Variants in FAM210A observed in about 807,000 individuals in gnomAD.
FAM210A encodes the protein family with sequence similarity 210 member A.
A neutral mutation model predicts 25.3 loss-of-function variants in FAM210A; 13 were observed. The observed-to-expected ratio is 0.51, with a 90% CI of 0.33 to 0.82. FAM210A has a LOEUF of 0.82. FAM210A is among the 40% of genes least tolerant of loss of function. The probability of loss-of-function intolerance (pLI) is 0.02; values close to 1 mark genes in which losing one functional copy is unlikely to be tolerated. For missense variants in FAM210A, 319 were observed against 323.2 expected, an observed-to-expected ratio of 0.99 and a Z score of 0.10; for synonymous variants, 125 against 118.7, an observed-to-expected ratio of 1.05 and a Z score of -0.35.
chr18:13,704,933 T>C (rs1269958755), intron 1 of FAM210A, among the ~76,000 whole-genome samples: 1 of 152,168 alleles, frequency 6.6e-6, no homozygotes, highest in African/African-American at 2.4e-5. Context: ...TTCATAAGCA[T>C]GTAAAATCCT....
chr18:13,701,226 C>T (rs2043737090), intron 1 of FAM210A, among the ~76,000 whole-genome samples: 1 of 151,594 alleles, frequency 6.6e-6, no homozygotes, highest in African/African-American at 2.4e-5. Context: ...GGTAAGTTCT[C>T]TCAGATTTCG....
At chr18:13,690,311 G>T (rs562440663) in intron 1 of FAM210A, among the ~76,000 whole-genome samples, 1 of 152,364 alleles carries the variant, frequency 6.6e-6, no homozygotes, top group East Asian at 1.9e-4. Context: ...TGCCTCTGTA[G>T]ACACCACCTC....
At chr18:13,689,664 C>A (rs1212184177) in intron 1 of FAM210A, among the ~76,000 whole-genome samples, 1 of 151,694 alleles carries the variant, frequency 6.6e-6, no homozygotes, top group Non-Finnish European at 1.5e-5. Flanking sequence ...GCTAGTGCAA[C>A]AAGGCAAGAA....
At chr18:13,707,930 C>T (rs2043792171) in intron 1 of FAM210A, among the ~76,000 whole-genome samples, 1 of 152,036 alleles carries the variant, frequency 6.6e-6, no homozygotes, top group East Asian at 1.9e-4. Flanking sequence ...TCTTCCACCA[C>T]ATGGCTGCGC....
chr18:13,725,795 C>T (rs2043938896), intron 1 of FAM210A, among the ~76,000 whole-genome samples: 1 of 152,140 alleles, frequency 6.6e-6, no homozygotes. Flanking sequence ...CTCCCCCAAA[C>T]CACACCATGC....
At chr18:13,721,524 C>T (rs925907127) in intron 1 of FAM210A, among the ~76,000 whole-genome samples, 10 of 152,160 alleles carry the variant, frequency 6.6e-5, no homozygotes, top group Non-Finnish European at 2.9e-5. Context: ...TCCTGGAATG[C>T]GGTATTGCTT....
At chr18:13,719,594 C>T (rs2043884099) in intron 1 of FAM210A, among the ~76,000 whole-genome samples, 1 of 152,134 alleles carries the variant, frequency 6.6e-6, no homozygotes, top group Admixed American at 6.5e-5. Flanking sequence ...CCCAGCCACC[C>T]TTTCACCCAC....
At chr18:13,693,568 T>C (rs2043667824) in intron 1 of FAM210A, among the ~76,000 whole-genome samples, 1 of 152,212 alleles carries the variant, frequency 6.6e-6, no homozygotes, top group African/African-American at 2.4e-5. Flanking sequence ...GCTTCATACC[T>C]GGGATGCAAG....
chr18:13,699,764 T>C (rs1316226599), intron 1 of FAM210A, among the ~76,000 whole-genome samples: 3 of 152,232 alleles, frequency 2.0e-5, no homozygotes, highest in Admixed American at 6.5e-5. Context: ...ATGAGATAAA[T>C]GAGCTGGTTA....
At chr18:13,700,624 G>A (rs2043731868) in intron 1 of FAM210A, among the ~76,000 whole-genome samples, 1 of 152,150 alleles carries the variant, frequency 6.6e-6, no homozygotes, top group African/African-American at 2.4e-5. Context: ...CCCATCACTT[G>A]TCCAGAATCC....
chr18:13,695,476 A>T (rs2043684252), intron 1 of FAM210A, among the ~76,000 whole-genome samples: 2 of 152,230 alleles, frequency 1.3e-5, no homozygotes, highest in Admixed American at 1.3e-4. Flanking sequence ...AATGTCCATC[A>T]ACGATAGACT....
chr18:13,701,069 T>C (rs1004106168), intron 1 of FAM210A, among the ~76,000 whole-genome samples: 1 of 152,208 alleles, frequency 6.6e-6, no homozygotes, highest in African/African-American at 2.4e-5. Context: ...CCTTTAAATG[T>C]AATCCAGCCT....
At chr18:13,685,871 A>G (rs2043592873) in intron 1 of FAM210A, among the ~76,000 whole-genome samples, 1 of 152,188 alleles carries the variant, frequency 6.6e-6, no homozygotes, top group South Asian at 2.1e-4. Flanking sequence ...GAATGCACAT[A>G]TTAGAAAAGA....
chr18:13,702,696 C>T (rs2043749923), intron 1 of FAM210A, among the ~76,000 whole-genome samples: 1 of 152,210 alleles, frequency 6.6e-6, no homozygotes, highest in Non-Finnish European at 1.5e-5. Flanking sequence ...CTGCCCAGTG[C>T]TGTAGCTCAG....
intron 1 of FAM210A, among the ~76,000 whole-genome samples, chr18:13,701,722 A>G (rs2043741901): frequency 6.6e-6 from 1 of 152,244 alleles, no homozygotes; most frequent in African/African-American, 2.4e-5. Flanking sequence ...ATAAACCACA[A>G]TGCACTGAAG....
chr18:13,701,506 TTG>T, intron 1 of FAM210A, among the ~76,000 whole-genome samples: 1 of 152,322 alleles, frequency 6.6e-6, no homozygotes, highest in East Asian at 1.9e-4. Flanking sequence ...TTCATTTTTC[TTG>T]TGTGTTTAAG....
chr18:13,678,192 T>C (rs1429378519), intron 2 of FAM210A, among the ~76,000 whole-genome samples: 1 of 152,098 alleles, frequency 6.6e-6, no homozygotes, highest in East Asian at 1.9e-4. Context: ...TAAAAGATCA[T>C]ACAAACAATG....
At position 13,666,635 on chromosome 18, in the gene FAM210A, T is replaced by G. The variant is rs767364628; in HGVS notation, c.664A>C (p.Met222Leu). ...TCCTTGACGGGTGGCGGCGTGGACA[T>G]GTAGCCATGACTGCGCAGATACTTC... Reference protein sequence around the residue: ...TVKYLRSHGYMSTPPPVKEYL... With the variant: ...TVKYLRSHGYLSTPPPVKEYL... Residue 222 changes from methionine to leucine, a missense_variant, in exon 4 of 4, where the codon ATG (methionine) becomes CTG (leucine). Transcript: ENST00000651643. 2 of 1,614,230 alleles carry G rather than the reference T, an allele frequency of 1.2e-6. No individual in the cohort carries two copies. The highest frequency in any genetic ancestry group is 1.7e-5 in the Admixed American group (1 of 60,028).
chr18:13,687,585 C>G (rs1268261378), intron 1 of FAM210A, among the ~76,000 whole-genome samples: 1 of 152,178 alleles, frequency 6.6e-6, no homozygotes. Context: ...GTGCATACAA[C>G]TTCCTAAACA....
Sources: allele counts gnomAD v4.1 joint callset (sites outside exome capture counted in the v4.1 genomes callset), GRCh38; gene constraint gnomAD v4.1.1; transcripts MANE v1.5; gene names NCBI Gene and HGNC (gene_info 2026-07-23, HGNC 2026-07-21).